Variants in SPR observed in about 807,000 individuals in gnomAD.
SPR encodes Sepiapterin reductase (L-erythro-7,8-dihydrobiopterin forming).
Under a neutral mutation model 16.0 loss-of-function variants are expected in SPR, and 12 were observed. That is an observed-to-expected ratio of 0.75 (90% CI 0.48 to 1.22). The LOEUF (loss-of-function observed/expected upper bound fraction) is 1.22, where lower values mean the gene tolerates loss of function less well. SPR is among the 50% of genes most tolerant of loss of function. The pLI is 0.00. For missense variants in SPR, 324 were observed against 344.4 expected, an observed-to-expected ratio of 0.94 and a Z score of 0.47; for synonymous variants, 177 against 168.5, an observed-to-expected ratio of 1.05 and a Z score of -0.39.
intron 1 of SPR, 81 bp downstream of exon 1, chr2:72,887,817 G>A (rs1652418199): frequency 7.4e-7 from 1 of 1,357,820 alleles, no homozygotes; most frequent in Non-Finnish European, 9.6e-7. Flanking sequence ...GCTACTCCTA[G>A]GGGTCAGATA....
intron 2 of SPR, among the ~76,000 whole-genome samples, chr2:72,889,426 G>T (rs1279264630): frequency 1.3e-5 from 2 of 152,188 alleles, no homozygotes; most frequent in African/African-American, 4.8e-5. Flanking sequence ...CCAGTAGCCT[G>T]TGTCCCTGGG....
Position 72,888,420 on chromosome 2 carries a change from C to T in SPR, c.411C>T (p.Ser137=). ...NLTSMLCLTS[S]VLKAFPDSPG... ...CCTCCATGCTCTGCCTGACTTCCAG[C>T]GTCCTGAAGGCCTTCCCGGACAGTC... Residue 137 remains serine, a synonymous_variant, in exon 2 of 3, where the codon AGC becomes AGT. Coordinates refer to ENST00000234454, the MANE Select transcript of SPR (RefSeq NM_003124.5). 6.8e-6 allele frequency: 11 copies of T among 1,614,024 alleles called. No homozygotes were observed. Among genetic ancestry groups the T allele is most frequent in the Non-Finnish European group, 9.3e-6 (11 of 1,179,920 alleles).
At position 72,888,477 on chromosome 2, in the gene SPR, G is replaced by A. The variant is rs201166824; in HGVS notation, c.468G>A (p.Ser156=). 11 of 1,613,896 alleles carry A rather than the reference G, an allele frequency of 6.8e-6. No homozygotes were observed. Among genetic ancestry groups the A allele is most frequent in the Admixed American group, 1.7e-5 (1 of 59,980 alleles). Residue 156 remains serine, a synonymous_variant, in exon 2 of 3, where the codon TCG becomes TCA. Coordinates refer to ENST00000234454, the MANE Select transcript of SPR (RefSeq NM_003124.5). ...TCAACAGAACCGTGGTTAACATCTC[G>A]TCCCTCTGTGCCCTGCAACCTTTCA... ...PGLNRTVVNI[S]SLCALQPFKG... is the part of the protein sequence containing the mutation.
chr2:72,887,516 C>A lies in SPR; in HGVS notation c.84C>A (p.Ala28=). The A allele has an allele frequency of 6.7e-7, 1 of 1,489,268 alleles. No homozygotes were observed. The highest frequency in any genetic ancestry group is 2.9e-5 in the East Asian group (1 of 34,282). 92.3% of individuals were successfully genotyped at this position (1,489,268 alleles called of 1,614,324 possible). Residue 28 remains alanine, a synonymous_variant, in exon 1 of 3, where the codon GCC becomes GCA. Transcript: ENST00000234454. ...GCCGGACGCTGGCCCCGCTCCTGGC[C>A]TCGCTGCTGTCGCCCGGCTCCGTGC... The part of the protein sequence containing the change: ...GFGRTLAPLL[A]SLLSPGSVLV...
At position 72,888,623 on chromosome 2, in the gene SPR, C is replaced by A; in HGVS notation, c.595+19C>A. 1.3e-6 allele frequency: 2 copies of A among 1,581,866 alleles called. No homozygotes were observed. Among genetic ancestry groups the A allele is most frequent in the Non-Finnish European group, 8.6e-7 (1 of 1,162,302 alleles). ...GCCCCAGGTAGGTGGGAAGTCCTGC[C>A]GTCCCTGTCCTCCAGAACCCACTGG... On this transcript the variant is annotated intron_variant, in intron 2 of 2. Transcript: ENST00000234454.
intron 2 of SPR, among the ~76,000 whole-genome samples, chr2:72,890,259 C>CT (rs1014258166): frequency 3.0e-4 from 45 of 152,302 alleles, no homozygotes; most frequent in African/African-American, 9.6e-4. Context: ...ACTAGGATGC[C>CT]TTGAGTATTA....
chr2:72,887,672 C>T lies in SPR; in HGVS notation c.240C>T (p.Leu80=), dbSNP rs769104065. The change falls in exon 1 of 3, where the codon CTC becomes CTT. Residue 80 remains leucine, a synonymous_variant. Transcript: ENST00000234454. ...CCGAGGCCGGCTTGCAGCAGCTGCT[C>T]GGCGCCCTGCGCGAGCTCCCCCGGC... ...LGAEAGLQQL[L]GALRELPRPK... is the part of the protein sequence containing the mutation. The T allele has an allele frequency of 1.7e-5, 26 of 1,496,542 alleles. 1 individual carries two copies. In the South Asian group the frequency reaches 2.9e-4, roughly 16 times the overall value. The allele number at this position is 1,496,542 out of a possible 1,614,324, so 92.7% of individuals were successfully genotyped here. A position where few individuals can be genotyped will look rare whatever the true frequency, so the allele number is the denominator to read the frequency against.
chr2:72,888,279 C>G, intron 1 of SPR, 35 bp from the exon 2 acceptor site: 1 of 1,611,738 alleles, frequency 6.2e-7, no homozygotes, highest in Non-Finnish European at 8.5e-7. Context: ...AAAGCCCCGC[C>G]TGCACTGAGT....
intron 1 of SPR, among the ~76,000 whole-genome samples, chr2:72,888,050 C>T (rs1429449022): frequency 2.0e-5 from 3 of 151,854 alleles, no homozygotes; most frequent in African/African-American, 7.3e-5. Context: ...AACAAGTAAA[C>T]TCTCTGCTTC....
intron 2 of SPR, among the ~76,000 whole-genome samples, chr2:72,890,168 G>A (rs1670597089): frequency 6.6e-6 from 1 of 152,208 alleles, no homozygotes; most frequent in South Asian, 2.1e-4. Flanking sequence ...CTGATGAAAG[G>A]AAATAAAGGT....
intron 1 of SPR, 117 bp downstream of exon 1, chr2:72,887,853 G>C: frequency 8.6e-7 from 1 of 1,157,826 alleles, no homozygotes; most frequent in Non-Finnish European, 1.2e-6. Flanking sequence ...TAAAGCCCTA[G>C]TTGTTCCAGC....
At position 72,891,944 on chromosome 2, in the gene SPR, G is replaced by A; in HGVS notation, c.*407G>A. On this transcript the variant is annotated 3_prime_UTR_variant, in exon 3 of 3. Transcript: ENST00000234454. ...GGAGGACCCATGTAGATTCGCAGAT[G>A]GCCTGGATGGGAGGAAGGGCAGACG... The A allele has an allele frequency of 8.2e-6, 2 of 243,466 alleles. No individual in the cohort carries two copies. The highest frequency in any genetic ancestry group is 1.6e-5 in the Non-Finnish European group (2 of 121,500). The allele number at this position is 243,466 out of a possible 1,614,324, so 15.1% of individuals were successfully genotyped here.
intron 2 of SPR, 28 bp downstream of exon 2, chr2:72,888,632 C>G: frequency 6.4e-7 from 1 of 1,570,780 alleles, no homozygotes; most frequent in Non-Finnish European, 8.6e-7. Context: ...CCGTCCCTGT[C>G]CTCCAGAACC....
chr2:72,887,697 C>T lies in SPR; in HGVS notation c.265C>T (p.Pro89Ser). 1 of 1,507,970 alleles carries T rather than the reference C, an allele frequency of 6.6e-7. No homozygotes were observed. Among genetic ancestry groups the T allele is most frequent in the African/African-American group, 1.4e-5 (1 of 70,286 alleles). The allele number at this position is 1,507,970 out of a possible 1,614,324, so 93.4% of individuals were successfully genotyped here. The change falls in exon 1 of 3, where the codon CCC (proline) becomes TCC (serine). Residue 89 changes from proline to serine, a missense_variant. Physicochemically the swap from Pro to Ser is moderately conservative, Grantham distance 74 (BLOSUM62 -1). Coordinates refer to ENST00000234454, the MANE Select transcript of SPR (RefSeq NM_003124.5). ...CGGCGCCCTGCGCGAGCTCCCCCGGCCCAAGGGGCTGCAGCGACTGCTGCT... is the reference window on the plus strand; with the variant it reads ...CGGCGCCCTGCGCGAGCTCCCCCGGTCCAAGGGGCTGCAGCGACTGCTGCT... ...LLGALRELPR[P>S]KGLQRLLLIN...
In SPR at chr2:72,887,687, G is replaced by A. The variant is rs772543330; in HGVS notation, c.255G>A (p.Glu85=). The change falls in exon 1 of 3, where the codon GAG becomes GAA. Residue 85 remains glutamate, a synonymous_variant. Transcript: ENST00000234454. ...AGCAGCTGCTCGGCGCCCTGCGCGA[G>A]CTCCCCCGGCCCAAGGGGCTGCAGC... ...GLQQLLGALR[E]LPRPKGLQRL... The A allele has an allele frequency of 4.0e-6, 6 of 1,500,056 alleles. No homozygotes were observed. Among genetic ancestry groups the A allele is most frequent in the Non-Finnish European group, 5.3e-6 (6 of 1,131,410 alleles). The allele number at this position is 1,500,056 out of a possible 1,614,324, so 92.9% of individuals were successfully genotyped here. A position where few individuals can be genotyped will look rare whatever the true frequency, so the allele number is the denominator to read the frequency against.
chr2:72,887,721 C>T lies in SPR; in HGVS notation c.289C>T (p.Leu97Phe), dbSNP rs1005366138. The change falls in exon 1 of 3, where the codon CTT (leucine) becomes TTT (phenylalanine). Residue 97 changes from leucine (L) to phenylalanine (F), a missense_variant. By Grantham distance (22) the Leu-to-Phe change is conservative (BLOSUM62 0). Transcript: ENST00000234454. Reference sequence around the variant, plus strand: ...GCCCAAGGGGCTGCAGCGACTGCTGCTTATCAACAACGCGGGTAAGACCCC... The same window carrying T: ...GCCCAAGGGGCTGCAGCGACTGCTGTTTATCAACAACGCGGGTAAGACCCC... ...PRPKGLQRLL[L>F]INNAGSLGDV... The T allele has an allele frequency of 6.6e-7, 1 of 1,513,224 alleles. No homozygotes were observed. Among genetic ancestry groups the T allele is most frequent in the African/African-American group, 1.4e-5 (1 of 70,926 alleles). 93.7% of individuals were successfully genotyped at this position (1,513,224 alleles called of 1,614,324 possible).
intron 2 of SPR, among the ~76,000 whole-genome samples, chr2:72,889,690 G>A (rs1032097819): frequency 2.6e-5 from 4 of 152,210 alleles, no homozygotes; most frequent in African/African-American, 9.6e-5. Context: ...CAGGAGCAGA[G>A]CAGACTCCAG....
chr2:72,889,492 TG>T (rs1670589425), intron 2 of SPR, among the ~76,000 whole-genome samples: 2 of 152,150 alleles, frequency 1.3e-5, no homozygotes, highest in South Asian at 4.1e-4. Context: ...AAAGCACAGA[TG>T]TGGCAGGGCT....
Position 72,891,623 on chromosome 2 carries a change from G to T in SPR, c.*86G>T. 6.7e-7 allele frequency: 1 copy of T among 1,486,520 alleles called. No individual in the cohort carries two copies. The highest frequency in any genetic ancestry group is 1.2e-5 in the South Asian group (1 of 85,834). 92.1% of individuals were successfully genotyped at this position (1,486,520 alleles called of 1,614,324 possible). ...TGTGGCTCCCCACACCCTGCCATAG[G>T]GGCAGTCCTGCCTTACACATAGAAG... On this transcript the variant is annotated 3_prime_UTR_variant, in exon 3 of 3. Coordinates refer to ENST00000234454, the MANE Select transcript of SPR (RefSeq NM_003124.5).
Sources: allele counts gnomAD v4.1 joint callset (sites outside exome capture counted in the v4.1 genomes callset), GRCh38; gene constraint gnomAD v4.1.1; transcripts MANE v1.5; gene names NCBI Gene and HGNC (gene_info 2026-07-23, HGNC 2026-07-21).